ESRRG: variants seen among roughly 807,000 people sequenced by gnomAD.
The protein encoded by ESRRG is estrogen related receptor gamma, also known as estrogen-related receptor gamma.
A neutral mutation model predicts 44.0 loss-of-function variants in ESRRG; 13 were observed. The ratio of observed to expected loss-of-function variants is 0.30; its 90% CI spans 0.19 to 0.47. The LOEUF is 0.47. Among genes scored for constraint, ESRRG ranks in the 20% least tolerant of loss-of-function variants. The probability of loss-of-function intolerance (pLI) is 1.00; values close to 1 mark genes in which losing one functional copy is unlikely to be tolerated. For missense variants in ESRRG, 395 were observed against 580.6 expected (o/e 0.68, Z 3.29); for synonymous variants, 215 against 214.6 (o/e 1.00, Z -0.02).
At chr1:216,580,461 C>T (rs74141613) in intron 3 of ESRRG, among the ~76,000 whole-genome samples, 3,681 of 152,168 alleles carry the variant, frequency 0.024, 140 homozygotes, top group African/African-American at 0.084. Context: ...TCATAGATAA[C>T]ATAAAACAGC....
chr1:216,914,561 A>C (rs1307762921), intron 2 of ESRRG, among the ~76,000 whole-genome samples: 1 of 152,186 alleles, frequency 6.6e-6, no homozygotes, highest in African/African-American at 2.4e-5. Context: ...GACCATGTAA[A>C]CATGTCCAAT....
chr1:216,638,479 G>A (rs779193320), intron 3 of ESRRG, among the ~76,000 whole-genome samples: 1 of 152,136 alleles, frequency 6.6e-6, no homozygotes, highest in Non-Finnish European at 1.5e-5. Context: ...AGTTGCATTA[G>A]ACACATTTCA....
chr1:216,520,885 C>T (rs1267909995), intron 5 of ESRRG, among the ~76,000 whole-genome samples: 1 of 152,144 alleles, frequency 6.6e-6, no homozygotes, highest in Non-Finnish European at 1.5e-5. Context: ...CCTTTTCAAT[C>T]ATATCAAATT....
intron 5 of ESRRG, among the ~76,000 whole-genome samples, chr1:216,541,897 C>T (rs1263212516): frequency 6.6e-6 from 1 of 151,866 alleles, no homozygotes; most frequent in Non-Finnish European, 1.5e-5. Flanking sequence ...AGTGATCACA[C>T]AGAAGATTCC....
chr1:217,052,538 G>A (rs2086251572), intron 1 of ESRRG, among the ~76,000 whole-genome samples: 1 of 152,130 alleles, frequency 6.6e-6, no homozygotes, highest in South Asian at 2.1e-4. Context: ...TTTCTAAAAG[G>A]ATCTAAGAGA....
Position 216,595,343 on chromosome 1 carries a change from A to G in ESRRG, c.590-27245T>C, listed in dbSNP as rs78946477. Among the ~76,000 whole-genome samples, 873 of 152,318 alleles carry G rather than the reference A, an allele frequency of 5.7e-3. 7 individuals are homozygous for G. Among genetic ancestry groups the G allele is most frequent in the African/African-American group, 0.016 (664 of 41,576 alleles). ...TCAAAAATGACAGGGCATGATACAT[A>G]TAGAAGTAGGAAACTCCAACATGGC... On this transcript the variant is annotated intron_variant, in intron 3 of 6. Transcript: ENST00000408911.
chr1:216,743,797 T>G (rs979353683), intron 2 of ESRRG, among the ~76,000 whole-genome samples: 6 of 152,206 alleles, frequency 3.9e-5, no homozygotes, highest in Admixed American at 2.6e-4. Flanking sequence ...AAATTTTACA[T>G]CATTTAGTTC....
chr1:216,944,797 A>G (rs1179817933), intron 1 of ESRRG, among the ~76,000 whole-genome samples: 1 of 152,108 alleles, frequency 6.6e-6, no homozygotes, highest in Non-Finnish European at 1.5e-5. Context: ...ACCAAGAGTG[A>G]GGTAAAATGG....
chr1:216,850,309 C>A (rs1191464220), intron 2 of ESRRG, among the ~76,000 whole-genome samples: 2 of 152,024 alleles, frequency 1.3e-5, no homozygotes, highest in Non-Finnish European at 2.9e-5. Flanking sequence ...AAGATACTTT[C>A]TAATAAATGC....
chr1:216,852,513 C>T (rs1412670168), intron 2 of ESRRG, among the ~76,000 whole-genome samples: 7 of 152,068 alleles, frequency 4.6e-5, no homozygotes, highest in African/African-American at 7.2e-5. Context: ...GCATATCTTG[C>T]GTTTTATTTC....
At chr1:216,697,712 C>A (rs2080463979) in intron 1 of ESRRG, among the ~76,000 whole-genome samples, 1 of 152,162 alleles carries the variant, frequency 6.6e-6, no homozygotes, top group Admixed American at 6.5e-5. Flanking sequence ...TTAGAGCCCT[C>A]CATCAGATTC....
At chr1:216,555,290 C>T (rs12137616) in intron 5 of ESRRG, among the ~76,000 whole-genome samples, 41,937 of 151,996 alleles carry the variant, frequency 0.28, 6,678 homozygotes, top group Admixed American at 0.37. Context: ...TGGAAAAAGC[C>T]CTATCCTTTA....
chr1:216,913,154 A>T (rs910094876), intron 2 of ESRRG, among the ~76,000 whole-genome samples: 5 of 151,580 alleles, frequency 3.3e-5, no homozygotes, highest in African/African-American at 1.2e-4. Flanking sequence ...CAGAAAAACG[A>T]AAATATTTGA....
At chr1:216,829,028 A>G (rs1474417424) in intron 2 of ESRRG, among the ~76,000 whole-genome samples, 2 of 152,214 alleles carry the variant, frequency 1.3e-5, no homozygotes, top group Non-Finnish European at 2.9e-5. Context: ...GGATACAAGG[A>G]CATATGTATG....
In ESRRG at chr1:216,707,528, T is replaced by A. The variant is rs2082695516; in HGVS notation, c.56+15716A>T. 1.1e-5 allele frequency: 16 copies of A among 1,504,798 alleles called. No homozygotes were observed. The South Asian group carries it at 2.0e-4, about 19-fold the overall frequency. The allele number at this position is 1,504,798 out of a possible 1,614,324, so 93.2% of individuals were successfully genotyped here. On this transcript the variant is annotated intron_variant, in intron 1 of 6. Coordinates refer to ENST00000408911, the MANE Select transcript of ESRRG (RefSeq NM_001438.4). ...AGAAAGTTAGGGTGAAAGTTGCAATTTGCTGAAGTTTTATGTAAAACTACA... is the reference window on the plus strand; with the variant it reads ...AGAAAGTTAGGGTGAAAGTTGCAATATGCTGAAGTTTTATGTAAAACTACA...
At chr1:216,756,256 T>A (rs919977119) in intron 2 of ESRRG, among the ~76,000 whole-genome samples, 3 of 152,018 alleles carry the variant, frequency 2.0e-5, no homozygotes, top group Non-Finnish European at 4.4e-5. Flanking sequence ...AAGCAATATA[T>A]AAATATTAGG....
At chr1:216,671,698 C>T (rs780696102) in intron 2 of ESRRG, among the ~76,000 whole-genome samples, 14 of 152,114 alleles carry the variant, frequency 9.2e-5, no homozygotes, top group Non-Finnish European at 1.6e-4. Flanking sequence ...CTATAATGAA[C>T]ATCTTTTTAA....
At chr1:217,068,430 C>T (rs977720026) in intron 1 of ESRRG, among the ~76,000 whole-genome samples, 3 of 151,802 alleles carry the variant, frequency 2.0e-5, no homozygotes, top group Non-Finnish European at 4.4e-5. Context: ...CCAGTCCTCT[C>T]CTGCACCAAC....
chr1:216,770,811 G>GTGAA (rs1414131956), intron 2 of ESRRG, among the ~76,000 whole-genome samples: 1 of 151,922 alleles, frequency 6.6e-6, no homozygotes, highest in African/African-American at 2.4e-5. Context: ...TCACTGTCAA[G>GTGAA]TCCCTACCAC....
Sources: gnomAD v4.1 joint callset for allele counts (sites outside exome capture counted in the v4.1 genomes callset) on GRCh38, gnomAD v4.1.1 for gene constraint, MANE v1.5 for transcripts, NCBI Gene and HGNC (gene_info 2026-07-23, HGNC 2026-07-21) for gene names.